The following DGKI variants were observed in gnomAD, a reference collection of about 807,000 sequenced individuals.
DGKI encodes DAG kinase iota.
In DGKI, 55 loss-of-function variants were observed where a neutral mutation model predicts 147.5. The ratio of observed to expected loss-of-function variants is 0.37; its 90% CI spans 0.30 to 0.47. The LOEUF is 0.47. Ranked by LOEUF, DGKI falls within the 20% of genes least tolerant of loss-of-function variation. The pLI is 1.00. For missense variants in DGKI, 1,007 were observed against 1,323.8 expected, an observed-to-expected ratio of 0.76 and a Z score of 3.71; for synonymous variants, 469 against 477.1, an observed-to-expected ratio of 0.98 and a Z score of 0.22.
chr7:137,794,091 A>G (rs1731432849), intron 1 of DGKI, among the ~76,000 whole-genome samples: 2 of 152,234 alleles, frequency 1.3e-5, no homozygotes, highest in Admixed American at 6.5e-5. Context: ...GGATACATAT[A>G]TAAGCAAGAC....
At chr7:137,485,342 G>T in intron 23 of DGKI, 32 bp downstream of exon 23, 1 of 1,566,298 alleles carries the variant, frequency 6.4e-7, no homozygotes, top group Non-Finnish European at 8.7e-7. Context: ...TGGCCAGAAG[G>T]TAAGAAACAA....
intron 21 of DGKI, among the ~76,000 whole-genome samples, chr7:137,508,007 T>C (rs1816427288): frequency 6.6e-6 from 1 of 151,962 alleles, no homozygotes; most frequent in Non-Finnish European, 1.5e-5. Context: ...GAAAAGGAAA[T>C]GTTCAGGAAT....
At chr7:137,776,251 T>C (rs1306802792) in intron 1 of DGKI, among the ~76,000 whole-genome samples, 1 of 152,214 alleles carries the variant, frequency 6.6e-6, no homozygotes, top group Non-Finnish European at 1.5e-5. Context: ...TTTCAAATCA[T>C]GGTTGATACA....
At chr7:137,545,811 G>T in intron 20 of DGKI, 1 of 598,460 alleles carries the variant, frequency 1.7e-6, no homozygotes. Context: ...CTGACGAACA[G>T]ACCTGTGAAG....
intron 1 of DGKI, among the ~76,000 whole-genome samples, chr7:137,803,817 A>G (rs1042399958): frequency 6.6e-6 from 1 of 152,378 alleles, no homozygotes; most frequent in Non-Finnish European, 1.5e-5. Flanking sequence ...ATTGGAACAC[A>G]GCAAGGATTT....
intron 28 of DGKI, among the ~76,000 whole-genome samples, chr7:137,430,519 C>T (rs1563014753): frequency 6.6e-6 from 1 of 151,490 alleles, no homozygotes; most frequent in Non-Finnish European, 1.5e-5. Context: ...CTAACCTGCA[C>T]ATTGTGCACA....
chr7:137,640,486 T>A (rs148447138), intron 6 of DGKI, among the ~76,000 whole-genome samples: 200 of 152,288 alleles, frequency 1.3e-3, no homozygotes, highest in Non-Finnish European at 2.2e-3. Flanking sequence ...TCCTTTGCTA[T>A]AGCTGCACAA....
intron 6 of DGKI, among the ~76,000 whole-genome samples, chr7:137,642,823 T>TA (rs764061541): frequency 3.3e-5 from 5 of 149,744 alleles, no homozygotes; most frequent in South Asian, 2.1e-4. Flanking sequence ...AAACACTTCC[T>TA]AAAAAATCTG....
At chr7:137,394,507 C>T (rs920037593) in intron 32 of DGKI, among the ~76,000 whole-genome samples, 2 of 152,136 alleles carry the variant, frequency 1.3e-5, no homozygotes, top group Admixed American at 1.3e-4. Context: ...TACAACTCCT[C>T]CTTCCCTCTA....
intron 6 of DGKI, among the ~76,000 whole-genome samples, chr7:137,637,220 G>A (rs546990595): frequency 6.6e-6 from 1 of 152,258 alleles, no homozygotes; most frequent in South Asian, 2.1e-4. Context: ...TTCCTTACCG[G>A]TGTCACTTCT....
At chr7:137,518,690 C>A (rs1816862366) in intron 21 of DGKI, among the ~76,000 whole-genome samples, 1 of 152,030 alleles carries the variant, frequency 6.6e-6, no homozygotes, top group Non-Finnish European at 1.5e-5. Context: ...AACTGGTGCT[C>A]AAACTGAAGT....
intron 32 of DGKI, among the ~76,000 whole-genome samples, chr7:137,392,357 A>C (rs12540417): frequency 0.28 from 42,618 of 152,112 alleles, 7,045 homozygotes; most frequent in Admixed American, 0.36. Flanking sequence ...CAAAATTTCT[A>C]ATTTTTGTTG....
In DGKI at chr7:137,840,660, T is replaced by A. The variant is rs759691352; in HGVS notation, c.401+5802A>T. 9.5e-4 allele frequency among the ~76,000 whole-genome samples: 145 copies of A among 152,162 alleles called. 1 individual carries two copies. The highest frequency in any genetic ancestry group is 1.1e-3 in the Non-Finnish European group (77 of 68,040). ...ATGCAGGTACGCAAACAGGAAGCTG[T>A]AAACAGTAACGCAGTCCTGGGCTGC... is the stretch of plus-strand genomic sequence containing the variant. On this transcript the variant is annotated intron_variant, in intron 1 of 32. Coordinates refer to ENST00000614521, the MANE Select transcript of DGKI (RefSeq NM_001321708.2).
intron 1 of DGKI, among the ~76,000 whole-genome samples, chr7:137,753,716 TAGAC>T (rs1795588137): frequency 6.6e-6 from 1 of 152,150 alleles, no homozygotes; most frequent in African/African-American, 2.4e-5. Flanking sequence ...ACAGAGGACA[TAGAC>T]AGGAGGGGTG....
chr7:137,846,161 T>TCTCTCTCTCTCTCTCTCACACACA lies in DGKI; in HGVS notation c.401+300_401+301insTGTGTGTGAGAGAGAGAGAGAGAG, dbSNP rs781580130. On this transcript the variant is annotated intron_variant, in intron 1 of 32. Transcript: ENST00000614521. This position sits in a 1 kb window ranked among gnomAD's most constrained non-coding sequence, Gnocchi z 4.0. Reference sequence around the variant, plus strand: ...CTCTCTCTCTCTCTCTCTCTCTCTCTCACACACACACACACACACACACAC... The same window carrying TCTCTCTCTCTCTCTCTCACACACA: ...CTCTCTCTCTCTCTCTCTCTCTCTCTCTCTCTCTCTCTCTCTCACACACACACACACACACACACACACACACAC... Among the ~76,000 whole-genome samples the TCTCTCTCTCTCTCTCTCACACACA allele has an allele frequency of 9.2e-6, 1 of 108,182 alleles. No homozygotes were observed. The highest frequency in any genetic ancestry group is 1.8e-5 in the Non-Finnish European group (1 of 55,330). 71.0% of individuals were successfully genotyped at this position (108,182 alleles called of 152,430 possible). A position where few individuals can be genotyped will look rare whatever the true frequency, so the allele number is the denominator to read the frequency against.
intron 27 of DGKI, among the ~76,000 whole-genome samples, chr7:137,452,028 T>C (rs979700969): frequency 2.6e-5 from 4 of 152,180 alleles, no homozygotes; most frequent in East Asian, 3.9e-4. Flanking sequence ...TAGATAAATA[T>C]TGGGGATGCC....
At chr7:137,455,831 C>T (rs1333850749) in intron 27 of DGKI, among the ~76,000 whole-genome samples, 16 of 152,084 alleles carry the variant, frequency 1.1e-4, no homozygotes, top group Admixed American at 1.0e-3. Flanking sequence ...ATATGACATC[C>T]CTCTCACATT....
intron 21 of DGKI, among the ~76,000 whole-genome samples, chr7:137,495,098 C>T (rs1452869955): frequency 6.6e-6 from 1 of 151,964 alleles, no homozygotes; most frequent in Non-Finnish European, 1.5e-5. Flanking sequence ...TCCAAATAAA[C>T]ACAATCAGAA....
chr7:137,734,394 A>G (rs1794965185), intron 1 of DGKI, among the ~76,000 whole-genome samples: 1 of 152,062 alleles, frequency 6.6e-6, no homozygotes, highest in Non-Finnish European at 1.5e-5. Context: ...ATTATCTCAC[A>G]GATTTGCGGG....
Sources: allele counts gnomAD v4.1 joint callset (sites outside exome capture counted in the v4.1 genomes callset), GRCh38; gene constraint gnomAD v4.1.1; non-coding constraint Gnocchi (gnomAD v3.1); transcripts MANE v1.5; gene names NCBI Gene and HGNC (gene_info 2026-07-23, HGNC 2026-07-21).